Variants in PDE8B observed in about 807,000 individuals in gnomAD.
PDE8B encodes high affinity cAMP-specific and IBMX-insensitive 3',5'-cyclic phosphodiesterase 8B.
In PDE8B, 26 loss-of-function variants were observed where a neutral mutation model predicts 101.3. That is an observed-to-expected ratio of 0.26 (90% CI 0.19 to 0.36). The LOEUF (loss-of-function observed/expected upper bound fraction) is 0.36, where lower values mean the gene tolerates loss of function less well. PDE8B is among the 10% of genes least tolerant of loss of function. PDE8B has a pLI of 1.00. For synonymous variants in PDE8B, 424 were observed against 429.3 expected, an observed-to-expected ratio of 0.99 and a Z score of 0.15; for missense variants, 810 against 1,163.1, an observed-to-expected ratio of 0.70 and a Z score of 4.42.
chr5:77,333,960 C>T (rs1001865663), intron 5 of PDE8B, among the ~76,000 whole-genome samples: 3 of 152,208 alleles, frequency 2.0e-5, no homozygotes, highest in Admixed American at 6.5e-5. Context: ...GCCATTTGCC[C>T]ATTAGGTCAG....
chr5:77,390,851 A>AT (rs1313984622), intron 10 of PDE8B, among the ~76,000 whole-genome samples: 1 of 152,208 alleles, frequency 6.6e-6, no homozygotes, highest in African/African-American at 2.4e-5. Context: ...TTGGCTCTGC[A>AT]TACTACCTGT....
chr5:77,185,139 A>C, the PDE8B span, among the ~76,000 whole-genome samples: 1 of 152,220 alleles, frequency 6.6e-6, no homozygotes, highest in South Asian at 2.1e-4. Flanking sequence ...ACAGACCTCA[A>C]CCTGATGCGT....
chr5:77,412,337 C>G, intron 16 of PDE8B, 102 bp downstream of exon 16: 1 of 1,183,360 alleles, frequency 8.5e-7, no homozygotes, highest in Non-Finnish European at 1.2e-6. Context: ...TGTGAGAGAC[C>G]TCACGGGTTC....
intron 1 of PDE8B, among the ~76,000 whole-genome samples, chr5:77,306,226 G>T (rs182091126): frequency 6.6e-6 from 1 of 152,284 alleles, no homozygotes; most frequent in Non-Finnish European, 1.5e-5. Context: ...TCCAATTTTG[G>T]AGCATAATGG....
intron 10 of PDE8B, among the ~76,000 whole-genome samples, chr5:77,393,060 G>A (rs1790272016): frequency 6.6e-6 from 1 of 152,146 alleles, no homozygotes; most frequent in African/African-American, 2.4e-5. Context: ...AAGTAATTCA[G>A]GTTTAGCCCA....
At chr5:77,088,574 A>C in the PDE8B span, 1 of 151,580 alleles carries the variant, frequency 6.6e-6, no homozygotes, top group Non-Finnish European at 1.5e-5. Context: ...GGGGAGCTGG[A>C]AAGGGGGTGG....
intron 1 of PDE8B, among the ~76,000 whole-genome samples, chr5:77,220,307 G>A (rs1046142813): frequency 2.0e-5 from 3 of 152,226 alleles, no homozygotes; most frequent in African/African-American, 7.2e-5. Context: ...AGGAACAGGT[G>A]AGGGCAAGGG....
chr5:77,420,895 A>G (rs145954032), intron 19 of PDE8B, among the ~76,000 whole-genome samples: 176 of 152,344 alleles, frequency 1.2e-3, no homozygotes, highest in African/African-American at 3.9e-3. Context: ...AAACCTCCAG[A>G]ACATATTCTG....
intron 6 of PDE8B, among the ~76,000 whole-genome samples, chr5:77,341,893 A>C (rs1292807878): frequency 2.0e-5 from 3 of 152,228 alleles, no homozygotes; most frequent in Non-Finnish European, 4.4e-5. Context: ...TTTAAATAAG[A>C]AAATATACTA....
At chr5:77,324,213 T>C (rs1775630920) in intron 2 of PDE8B, among the ~76,000 whole-genome samples, 3 of 152,152 alleles carry the variant, frequency 2.0e-5, no homozygotes, top group Admixed American at 2.0e-4. Context: ...TCTTATTAGA[T>C]CTATTGCTGG....
intron 20 of PDE8B, among the ~76,000 whole-genome samples, chr5:77,423,978 G>A (rs540457891): frequency 6.6e-5 from 10 of 151,662 alleles, no homozygotes; most frequent in South Asian, 2.1e-4. Context: ...CTTGTGTGTC[G>A]TCTTTTGAGA....
intron 1 of PDE8B, among the ~76,000 whole-genome samples, chr5:77,287,797 A>G (rs538560062): frequency 6.6e-6 from 1 of 152,232 alleles, no homozygotes; most frequent in South Asian, 2.1e-4. Flanking sequence ...TTATGACTAA[A>G]ATTTCCACTT....
intron 1 of PDE8B, among the ~76,000 whole-genome samples, chr5:77,261,683 C>G (rs147508807): frequency 6.6e-6 from 1 of 152,308 alleles, no homozygotes; most frequent in African/African-American, 2.4e-5. Context: ...CCACACTAGA[C>G]CTGTGAAGTA....
chr5:77,327,284 T>C (rs1323696375), intron 3 of PDE8B, among the ~76,000 whole-genome samples: 1 of 152,322 alleles, frequency 6.6e-6, no homozygotes, highest in South Asian at 2.1e-4. Context: ...CACCTTCTCC[T>C]TAGTCCTCTC....
At chr5:77,247,598 G>A (rs1489131182) in intron 1 of PDE8B, among the ~76,000 whole-genome samples, 1 of 152,072 alleles carries the variant, frequency 6.6e-6, no homozygotes, top group African/African-American at 2.4e-5. Context: ...CAGGCCTCGG[G>A]CTGGGGCTCT....
the PDE8B span, among the ~76,000 whole-genome samples, chr5:77,096,912 CA>C: frequency 6.6e-6 from 1 of 152,198 alleles, no homozygotes; most frequent in African/African-American, 2.4e-5. Context: ...GTCACACTCA[CA>C]AGTACCCAGA....
intron 1 of PDE8B, among the ~76,000 whole-genome samples, chr5:77,262,310 C>T (rs1228770702): frequency 2.0e-5 from 3 of 152,080 alleles, no homozygotes; most frequent in Non-Finnish European, 2.9e-5. Context: ...CTGACATGTC[C>T]TCTAGTACTA....
intron 6 of PDE8B, among the ~76,000 whole-genome samples, chr5:77,340,282 CTG>C (rs1308501307): frequency 6.6e-6 from 1 of 152,202 alleles, no homozygotes; most frequent in Non-Finnish European, 1.5e-5. Flanking sequence ...GGGCAAAACT[CTG>C]TATTCTGTGG....
the PDE8B span, among the ~76,000 whole-genome samples, chr5:77,142,701 A>G: frequency 6.6e-6 from 1 of 152,194 alleles, no homozygotes; most frequent in Non-Finnish European, 1.5e-5. Context: ...ATAGATTCCC[A>G]AGCAGGAAGA....
Sources: gnomAD v4.1 joint callset for allele counts (sites outside exome capture counted in the v4.1 genomes callset) on GRCh38, gnomAD v4.1.1 for gene constraint, MANE v1.5 for transcripts, NCBI Gene and HGNC (gene_info 2026-07-23, HGNC 2026-07-21) for gene names.